The following PKNOX2 variants were observed in gnomAD, a reference collection of about 807,000 sequenced individuals.
PKNOX2 encodes the protein homeobox protein PKNOX2.
In PKNOX2, 14 loss-of-function variants were observed where a neutral mutation model predicts 53.1. The ratio of observed to expected loss-of-function variants is 0.26; its 90% CI spans 0.17 to 0.41. The LOEUF is 0.41. Ranked by LOEUF, PKNOX2 falls within the 10% of genes least tolerant of loss-of-function variation. PKNOX2 has a pLI of 1.00. For missense variants in PKNOX2, 496 were observed against 602.8 expected, an observed-to-expected ratio of 0.82 and a Z score of 1.85; for synonymous variants, 257 against 242.8, an observed-to-expected ratio of 1.06 and a Z score of -0.54.
chr11:125,230,943 A>C (rs931278124), intron 1 of PKNOX2, among the ~76,000 whole-genome samples: 19 of 152,160 alleles, frequency 1.2e-4, no homozygotes, highest in Admixed American at 2.0e-4. Flanking sequence ...CTTTACTCTT[A>C]ACCTCAATGA....
rs766994139 is a variant in PKNOX2 at position 125,258,897 on chromosome 11, G to GCAGCCT, written c.-130+23793_-130+23798dup. The GCAGCCT allele has an allele frequency of 6.4e-5, 25 of 387,604 alleles. No homozygotes were observed. In the Middle Eastern group the frequency reaches 1.0e-3, roughly 16 times the overall value. 24.0% of individuals were successfully genotyped at this position (387,604 alleles called of 1,614,324 possible). A position where few individuals can be genotyped will look rare whatever the true frequency, so the allele number is the denominator to read the frequency against. On this transcript the variant is annotated intron_variant, in intron 2 of 12. Transcript: ENST00000298282. ...CCTCGGGGCCAGAGGAGCTCCTGCT[G>GCAGCCT]CAGCCTCAGCCTCAGCTCCAACAGT...
Position 125,410,195 on chromosome 11 carries a change from G to T in PKNOX2, c.589-1G>T. 3 of 1,613,848 alleles carry T rather than the reference G, an allele frequency of 1.9e-6. No homozygotes were observed. The highest frequency in any genetic ancestry group is 2.5e-6 in the Non-Finnish European group (3 of 1,179,854). On this transcript the variant is annotated splice_acceptor_variant, in intron 7 of 12. Coordinates refer to ENST00000298282, the MANE Select transcript of PKNOX2 (RefSeq NM_001382323.2). LOFTEE classifies it high-confidence loss of function. ...ACAAACCACGCCTCCCTCACTGCCAGGACCTCCTGCAGAATTCCCCCAATT... is the reference window on the plus strand; with the variant it reads ...ACAAACCACGCCTCCCTCACTGCCATGACCTCCTGCAGAATTCCCCCAATT...
intron 7 of PKNOX2, among the ~76,000 whole-genome samples, chr11:125,405,237 C>G (rs906034623): frequency 2.0e-5 from 3 of 152,252 alleles, no homozygotes; most frequent in Non-Finnish European, 4.4e-5. Flanking sequence ...CACAGGCATC[C>G]AAGTAAGATA....
intron 2 of PKNOX2, among the ~76,000 whole-genome samples, chr11:125,322,878 C>T (rs1308984974): frequency 2.6e-5 from 4 of 152,230 alleles, no homozygotes; most frequent in African/African-American, 9.6e-5. Context: ...GAACTACCAA[C>T]CTCACAAAGT....
At chr11:125,411,404 C>T (rs1955502279) in intron 9 of PKNOX2, 5 of 403,922 alleles carry the variant, frequency 1.2e-5, no homozygotes, top group East Asian at 1.1e-4. Context: ...TACTTGACAG[C>T]TTATGGCAAA....
chr11:125,401,688 C>A (rs1331353010), intron 7 of PKNOX2, among the ~76,000 whole-genome samples: 1 of 152,052 alleles, frequency 6.6e-6, no homozygotes, highest in African/African-American at 2.4e-5. Flanking sequence ...GAATCGGGGA[C>A]CGAGACTTTC....
At chr11:125,288,577 G>A (rs1038866008) in intron 2 of PKNOX2, among the ~76,000 whole-genome samples, 2 of 152,210 alleles carry the variant, frequency 1.3e-5, no homozygotes, top group African/African-American at 2.4e-5. Flanking sequence ...AGTAAAGATC[G>A]TAGTCACCCT....
intron 1 of PKNOX2, among the ~76,000 whole-genome samples, chr11:125,212,055 A>G (rs1282333205): frequency 1.3e-5 from 2 of 152,150 alleles, no homozygotes; most frequent in Non-Finnish European, 2.9e-5. Flanking sequence ...TTCTACCTGT[A>G]AGAGCTCCAG....
rs1955418503 is a variant in PKNOX2 at position 125,410,194 on chromosome 11, A to C, written c.589-2A>C. ...CACAAACCACGCCTCCCTCACTGCC[A>C]GGACCTCCTGCAGAATTCCCCCAAT... On this transcript the variant is annotated splice_acceptor_variant, in intron 7 of 12. Coordinates refer to ENST00000298282, the MANE Select transcript of PKNOX2 (RefSeq NM_001382323.2). LOFTEE classifies it high-confidence loss of function. The C allele has an allele frequency of 2.5e-6, 4 of 1,613,764 alleles. No individual in the cohort carries two copies. The highest frequency in any genetic ancestry group is 2.7e-5 in the African/African-American group (2 of 74,896).
At chr11:125,276,975 G>A (rs1430656038) in intron 2 of PKNOX2, among the ~76,000 whole-genome samples, 10 of 152,150 alleles carry the variant, frequency 6.6e-5, no homozygotes, top group Non-Finnish European at 1.3e-4. Context: ...CTGAAGTATT[G>A]GATAGTGGAA....
intron 7 of PKNOX2, among the ~76,000 whole-genome samples, chr11:125,402,994 C>T (rs1464251394): frequency 6.6e-6 from 1 of 152,198 alleles, no homozygotes; most frequent in South Asian, 2.1e-4. Context: ...GCATTTCAGG[C>T]AGGCTTGGTG....
At chr11:125,374,281 C>A (rs185392846) in intron 5 of PKNOX2, among the ~76,000 whole-genome samples, 1 of 152,192 alleles carries the variant, frequency 6.6e-6, no homozygotes, top group Admixed American at 6.5e-5. Context: ...GGACCGGATG[C>A]TTCGTGCCAG....
chr11:125,196,358 T>C (rs1937688684), intron 1 of PKNOX2, among the ~76,000 whole-genome samples: 1 of 152,084 alleles, frequency 6.6e-6, no homozygotes, highest in Non-Finnish European at 1.5e-5. Context: ...CTGAGGCGTA[T>C]AGCTTAGGAT....
Position 125,200,696 on chromosome 11 carries a change from C to T in PKNOX2, c.-200-34349C>T, listed in dbSNP as rs151098752. ...CCAAGGCCACCACAGTCTGCAGTCA[C>T]GTATGTATTTATGTGATGTGGAGTT... On this transcript the variant is annotated intron_variant, in intron 1 of 12. Coordinates refer to ENST00000298282, the MANE Select transcript of PKNOX2 (RefSeq NM_001382323.2). Among the ~76,000 whole-genome samples, 7 of 152,322 alleles carry T rather than the reference C, an allele frequency of 4.6e-5. No individual in the cohort carries two copies. The East Asian group carries it at 7.7e-4, about 17-fold the overall frequency.
intron 1 of PKNOX2, among the ~76,000 whole-genome samples, chr11:125,205,236 T>C (rs555362274): frequency 2.6e-5 from 4 of 152,316 alleles, no homozygotes; most frequent in Admixed American, 2.0e-4. Context: ...TGGTACATAG[T>C]GGGGCTGGAC....
chr11:125,251,511 T>A lies in PKNOX2; in HGVS notation c.-130+16396T>A, dbSNP rs548913235. ...GCGACAAAGATGTCTGTGGGGTATA[T>A]GTGTATGTGTGTGCGTTGCCTGGAT... On this transcript the variant is annotated intron_variant, in intron 2 of 12. Coordinates refer to ENST00000298282, the MANE Select transcript of PKNOX2 (RefSeq NM_001382323.2). 2.0e-5 allele frequency among the ~76,000 whole-genome samples: 3 copies of A among 152,230 alleles called. No homozygotes were observed. The South Asian group carries it at 6.2e-4, about 32-fold the overall frequency.
chr11:125,278,472 C>T (rs1946329380), intron 2 of PKNOX2, among the ~76,000 whole-genome samples: 1 of 152,156 alleles, frequency 6.6e-6, no homozygotes, highest in Non-Finnish European at 1.5e-5. Context: ...CCCAGCAGTG[C>T]ATCAGCTAGG....
chr11:125,351,670 A>AGCAGACAAGC (rs1951333894), intron 4 of PKNOX2, among the ~76,000 whole-genome samples: 1 of 152,160 alleles, frequency 6.6e-6, no homozygotes. Context: ...TCCATCAGAC[A>AGCAGACAAGC]GCAGACAAGC....
intron 1 of PKNOX2, among the ~76,000 whole-genome samples, chr11:125,185,854 A>C (rs1956416868): frequency 6.6e-6 from 1 of 152,176 alleles, no homozygotes; most frequent in South Asian, 2.1e-4. Context: ...GTATCATTTG[A>C]GTCCCTGTTT....
Sources: allele counts gnomAD v4.1 joint callset (sites outside exome capture counted in the v4.1 genomes callset), GRCh38; gene constraint gnomAD v4.1.1; transcripts MANE v1.5; gene names NCBI Gene and HGNC (gene_info 2026-07-23, HGNC 2026-07-21).